The following RXFP1 variants were observed in gnomAD, a reference collection of about 807,000 sequenced individuals.
RXFP1 encodes relaxin family peptide receptor 1.
Under a neutral mutation model 89.8 loss-of-function variants are expected in RXFP1, and 73 were observed. That is an observed-to-expected ratio of 0.81 (90% CI 0.67 to 0.99). RXFP1 has a LOEUF of 0.99. Ranked by LOEUF, RXFP1 falls within the 50% of genes least tolerant of loss-of-function variation. The probability of loss-of-function intolerance (pLI) is 0.00; values close to 1 mark genes in which losing one functional copy is unlikely to be tolerated. For synonymous variants in RXFP1, 277 were observed against 305.5 expected (o/e 0.91, Z 0.97); for missense variants, 793 against 895.5 (o/e 0.89, Z 1.46).
chr4:158,527,812 A>T (rs914082031), intron 1 of RXFP1, among the ~76,000 whole-genome samples: 8 of 151,782 alleles, frequency 5.3e-5, no homozygotes, highest in Non-Finnish European at 1.2e-4. Flanking sequence ...CAACATCCTC[A>T]TTTTTCACAT....
intron 1 of RXFP1, among the ~76,000 whole-genome samples, chr4:158,571,485 G>A (rs144409466): frequency 6.6e-6 from 1 of 152,192 alleles, no homozygotes; most frequent in Non-Finnish European, 1.5e-5. Flanking sequence ...TGACCAACAT[G>A]GTAAAACCTC....
At chr4:158,651,122 T>C (rs1450561891) in intron 17 of RXFP1, among the ~76,000 whole-genome samples, 1 of 152,076 alleles carries the variant, frequency 6.6e-6, no homozygotes, top group African/African-American at 2.4e-5. Context: ...AGACCCTGTC[T>C]CAAAAACAAA....
Position 158,647,135 on chromosome 4 carries a change from T to G in RXFP1, c.1690T>G (p.Phe564Val). The G allele has an allele frequency of 1.2e-6, 2 of 1,613,668 alleles. No individual in the cohort carries two copies. Among genetic ancestry groups the G allele is most frequent in the Non-Finnish European group, 1.7e-6 (2 of 1,179,844 alleles). The stretch of plus-strand genomic sequence containing the variant: ...CTACTATGGCACCAATGGAGTATGC[T>G]TCCCTCTTCATTCAGAAGATACAGA... ...KNYYGTNGVCFPLHSEDTESI... is the reference protein window; with the variant it reads ...KNYYGTNGVCVPLHSEDTESI... The change falls in exon 16 of 18, where the codon TTC (phenylalanine) becomes GTC (valine). Residue 564 changes from phenylalanine (F) to valine (V), a missense_variant. Physicochemically the swap from Phe to Val is conservative, Grantham distance 50. Transcript: ENST00000307765.
chr4:158,580,627 T>C (rs1230487472), intron 2 of RXFP1, among the ~76,000 whole-genome samples: 2 of 152,134 alleles, frequency 1.3e-5, no homozygotes, highest in Non-Finnish European at 2.9e-5. Context: ...CACGTAAAGT[T>C]TTCTATTTCA....
intron 6 of RXFP1, among the ~76,000 whole-genome samples, chr4:158,610,434 G>A (rs1484745845): frequency 3.3e-5 from 5 of 152,142 alleles, no homozygotes; most frequent in Non-Finnish European, 7.4e-5. Context: ...ATACCTTAGC[G>A]TTTCAGGTAG....
chr4:158,532,378 C>A (rs1454510687), intron 1 of RXFP1, among the ~76,000 whole-genome samples: 1 of 152,012 alleles, frequency 6.6e-6, no homozygotes, highest in African/African-American at 2.4e-5. Context: ...GTGAATAGTG[C>A]TGTGATAAAC....
intron 8 of RXFP1, among the ~76,000 whole-genome samples, chr4:158,616,494 G>GA (rs1306520978): frequency 2.1e-5 from 3 of 145,516 alleles, no homozygotes; most frequent in East Asian, 3.9e-4. Flanking sequence ...TCTTGGTAAA[G>GA]AAAAAAAATG....
intron 1 of RXFP1, among the ~76,000 whole-genome samples, chr4:158,534,388 C>T (rs576460532): frequency 1.3e-5 from 2 of 152,000 alleles, no homozygotes; most frequent in Non-Finnish European, 2.9e-5. Context: ...ACTGGGATTA[C>T]AGGCATGCAC....
chr4:158,539,240 C>A (rs1056223792), intron 1 of RXFP1, among the ~76,000 whole-genome samples: 2 of 152,080 alleles, frequency 1.3e-5, no homozygotes. Flanking sequence ...GACAAAAAAC[C>A]AAACACCACG....
chr4:158,576,644 T>C (rs1045643041), intron 2 of RXFP1, among the ~76,000 whole-genome samples: 5 of 152,170 alleles, frequency 3.3e-5, no homozygotes, highest in Admixed American at 2.6e-4. Flanking sequence ...GTTTTCAATA[T>C]GGTACACAAG....
intron 13 of RXFP1, among the ~76,000 whole-genome samples, chr4:158,638,644 C>A (rs1182171106): frequency 6.6e-6 from 1 of 151,636 alleles, no homozygotes; most frequent in African/African-American, 2.4e-5. Flanking sequence ...GCTGCCTCTA[C>A]AAAAAAATAA....
chr4:158,542,101 ATATATATAT>A (rs1388204874), intron 1 of RXFP1, among the ~76,000 whole-genome samples: 17 of 41,518 alleles, frequency 4.1e-4, no homozygotes, highest in African/African-American at 1.1e-3. Context: ...ATATATATAT[ATATATATAT>A]TTTTTTTTTA....
intron 9 of RXFP1, among the ~76,000 whole-genome samples, chr4:158,624,335 T>C: frequency 6.6e-6 from 1 of 152,078 alleles, no homozygotes; most frequent in South Asian, 2.1e-4. Flanking sequence ...GAGCCAGAAA[T>C]GTAAAAGGTA....
chr4:158,638,387 T>C (rs1235918080), intron 13 of RXFP1, among the ~76,000 whole-genome samples: 1 of 152,196 alleles, frequency 6.6e-6, no homozygotes, highest in Non-Finnish European at 1.5e-5. Flanking sequence ...TAACACTGGG[T>C]ATTTTATAAT....
chr4:158,636,895 A>G (rs905388950), intron 12 of RXFP1, among the ~76,000 whole-genome samples: 2 of 152,172 alleles, frequency 1.3e-5, no homozygotes, highest in Non-Finnish European at 2.9e-5. Flanking sequence ...TGACCAATAT[A>G]TTCCAATCCT....
At chr4:158,553,516 C>T (rs1750614640) in intron 1 of RXFP1, among the ~76,000 whole-genome samples, 1 of 152,108 alleles carries the variant, frequency 6.6e-6, no homozygotes, top group South Asian at 2.1e-4. Flanking sequence ...TCCATAACAA[C>T]AGCAAGGAAG....
chr4:158,541,661 A>G (rs1746668164), intron 1 of RXFP1, among the ~76,000 whole-genome samples: 1 of 152,046 alleles, frequency 6.6e-6, no homozygotes, highest in Admixed American at 6.6e-5. Context: ...TTCCCCATTT[A>G]CTTTATCTCC....
Position 158,639,342 on chromosome 4 carries a change from AT to A in RXFP1, c.1115+15del. 2.2e-6 allele frequency: 3 copies of A among 1,394,088 alleles called. No homozygotes were observed. The highest frequency in any genetic ancestry group is 3.1e-6 in the Non-Finnish European group (3 of 982,232). 86.4% of individuals were successfully genotyped at this position (1,394,088 alleles called of 1,614,324 possible). A position where few individuals can be genotyped will look rare whatever the true frequency, so the allele number is the denominator to read the frequency against. ...GAATCTCTCTCACATGTAAGTAGAT[AT>A]TTTATTGTTTTTCACTGTGATGTTA... On this transcript the variant is annotated intron_variant, in intron 14 of 17. Transcript: ENST00000307765.
chr4:158,565,642 C>T (rs1022005873), intron 1 of RXFP1, among the ~76,000 whole-genome samples: 21 of 152,144 alleles, frequency 1.4e-4, no homozygotes, highest in Non-Finnish European at 2.6e-4. Flanking sequence ...TAAAAGAGTT[C>T]CTACTGGTCC....
Sources: gnomAD v4.1 joint callset for allele counts (sites outside exome capture counted in the v4.1 genomes callset) on GRCh38, gnomAD v4.1.1 for gene constraint, MANE v1.5 for transcripts, NCBI Gene and HGNC (gene_info 2026-07-23, HGNC 2026-07-21) for gene names.